The following ZNF236 variants were observed in gnomAD, a reference collection of about 807,000 sequenced individuals.
ZNF236 encodes the protein zinc finger protein 236, also known as regulated by glucose.
ZNF236 carries 50 observed loss-of-function variants against 191.2 expected under a neutral mutation model. The ratio of observed to expected loss-of-function variants is 0.26; its 90% confidence interval spans 0.21 to 0.33. The LOEUF (loss-of-function observed/expected upper bound fraction) is 0.33. Among genes scored for constraint, ZNF236 ranks in the 10% least tolerant of loss-of-function variants. ZNF236 has a pLI of 1.00. For missense variants in ZNF236, 1,754 were observed against 2,374.5 expected, an observed-to-expected ratio of 0.74 and a Z score of 5.43; for synonymous variants, 907 against 928.8, an observed-to-expected ratio of 0.98 and a Z score of 0.43.
At chr18:76,913,674 C>A in intron 17 of ZNF236, 73 bp from the exon 18 acceptor site, 2 of 1,521,080 alleles carry the variant, frequency 1.3e-6, no homozygotes, top group East Asian at 2.3e-5. Flanking sequence ...TGCTTTTCTT[C>A]CCTTTTCAGG....
At chr18:76,854,103 G>A (rs971151412) in intron 3 of ZNF236, among the ~76,000 whole-genome samples, 8 of 151,876 alleles carry the variant, frequency 5.3e-5, no homozygotes, top group South Asian at 4.1e-4. Flanking sequence ...GTGAGATAAC[G>A]CATGCAAAAC....
At chr18:76,913,929 T>C (rs1483438970) in intron 18 of ZNF236, 31 bp downstream of exon 18, 2 of 1,609,630 alleles carry the variant, frequency 1.2e-6, no homozygotes, top group Non-Finnish European at 1.7e-6. Flanking sequence ...TGGAGATTAG[T>C]CCTTTAAAGA....
rs1967743811 is a variant in ZNF236 at position 76,927,738 on chromosome 18, A to G, written c.4415-189A>G. Among the ~76,000 whole-genome samples, 1 of 152,164 alleles carries G rather than the reference A, an allele frequency of 6.6e-6. No homozygotes were observed. Among genetic ancestry groups the G allele is most frequent in the Admixed American group, 6.5e-5 (1 of 15,288 alleles). ...CTACCTTCATTTAATTACTCTTTTCATCCTGGCTTCATTTCCTCACAAGGC... is the reference window on the plus strand; with the variant it reads ...CTACCTTCATTTAATTACTCTTTTCGTCCTGGCTTCATTTCCTCACAAGGC... On this transcript the variant is annotated intron_variant, in intron 24 of 30. Transcript: ENST00000320610. The surrounding 1 kb of genome is among the most constrained non-coding windows in gnomAD (Gnocchi z 5.4).
Position 76,972,890 on chromosome 18 carries a change from A to G in ZNF236, c.*4551A>G, listed in dbSNP as rs1968928500. Among the ~76,000 whole-genome samples, 1 of 152,198 alleles carries G rather than the reference A, an allele frequency of 6.6e-6. No individual in the cohort carries two copies. Among genetic ancestry groups the G allele is most frequent in the African/African-American group, 2.4e-5 (1 of 41,448 alleles). ...TAAAAATAATAAAAATAGTTTTTGT[A>G]TTATTTTAAAACTCCTGTATATTTA... On this transcript the variant is annotated 3_prime_UTR_variant, in exon 31 of 31. Coordinates refer to ENST00000320610, the MANE Select transcript of ZNF236 (RefSeq NM_001306089.2).
At chr18:76,905,595 G>A (rs1977719487) in intron 13 of ZNF236, among the ~76,000 whole-genome samples, 180 bp downstream of exon 13, 1 of 148,016 alleles carries the variant, frequency 6.8e-6, no homozygotes, top group Non-Finnish European at 1.5e-5. Context: ...AGTGTCTAAG[G>A]ATCTAATGGG....
intron 10 of ZNF236, chr18:76,895,487 C>T: frequency 1.4e-6 from 1 of 705,334 alleles, no homozygotes; most frequent in Admixed American, 2.8e-5. Context: ...ACCGGTACTG[C>T]CCACAGGGAC....
In ZNF236 at chr18:76,925,716, C is replaced by T. The variant is rs1407784671; in HGVS notation, c.4027+162C>T. Reference sequence around the variant, plus strand: ...GCATTCGGAAAAATTGGAATTCCGTCTTGCAGACATTGCTCCTTTCCATTT... The same window carrying T: ...GCATTCGGAAAAATTGGAATTCCGTTTTGCAGACATTGCTCCTTTCCATTT... On this transcript the variant is annotated intron_variant, in intron 22 of 30. Transcript: ENST00000320610. This position sits in a 1 kb window ranked among gnomAD's most constrained non-coding sequence, Gnocchi z 5.7. Among the ~76,000 whole-genome samples the T allele has an allele frequency of 6.6e-6, 1 of 152,228 alleles. No individual in the cohort carries two copies. The highest frequency in any genetic ancestry group is 1.5e-5 in the Non-Finnish European group (1 of 68,046).
chr18:76,906,457 T>C (rs1354944639), intron 13 of ZNF236, among the ~76,000 whole-genome samples: 1 of 152,178 alleles, frequency 6.6e-6, no homozygotes, highest in Admixed American at 6.5e-5. Flanking sequence ...AGGATGCTTG[T>C]GTTCCTGCTC....
intron 1 of ZNF236, among the ~76,000 whole-genome samples, chr18:76,828,780 T>G (rs1334986732): frequency 6.6e-6 from 1 of 151,852 alleles, no homozygotes; most frequent in Non-Finnish European, 1.5e-5. Flanking sequence ...AATTCTCCAG[T>G]CTCAGCCTCC....
chr18:76,907,974 A>G (rs1283557908), intron 13 of ZNF236, among the ~76,000 whole-genome samples: 3 of 152,128 alleles, frequency 2.0e-5, no homozygotes, highest in African/African-American at 4.8e-5. Flanking sequence ...ATTTTTCTGA[A>G]TACTTAGACT....
intron 30 of ZNF236, among the ~76,000 whole-genome samples, chr18:76,966,978 G>C (rs2122984085): frequency 6.6e-6 from 1 of 152,374 alleles, no homozygotes; most frequent in South Asian, 2.1e-4. Flanking sequence ...GGTATGCTCT[G>C]TGAGATCTGT....
At chr18:76,908,294 A>G in intron 13 of ZNF236, 26 bp from the exon 14 acceptor site, 1 of 1,604,242 alleles carries the variant, frequency 6.2e-7, no homozygotes, top group South Asian at 1.1e-5. Flanking sequence ...ATCTAACCTG[A>G]TGAACTGTTG....
rs1378009514 is a variant in ZNF236, at chr18:76,895,063, G to T, written c.1468G>T (p.Ala490Ser). The T allele has an allele frequency of 6.2e-7, 1 of 1,611,606 alleles. No individual in the cohort carries two copies. Reference sequence around the variant, plus strand: ...GCGCTGGCATGTGTGTCCCTACTGCGCCAAGGAGTTCCGCAAGCCCAGCGA... The same window carrying T: ...GCGCTGGCATGTGTGTCCCTACTGCTCCAAGGAGTTCCGCAAGCCCAGCGA... ...GVRWHVCPYC[A>S]KEFRKPSDLV... The change falls in exon 10 of 31, where the codon GCC (alanine) becomes TCC (serine). Residue 490 changes from alanine to serine, a missense_variant. By Grantham distance (99) the Ala-to-Ser change is moderately conservative. This residue lies in a region of ZNF236 where 126 missense variants were observed against 110.9 expected (regional missense o/e 1.14). Transcript: ENST00000320610.
intron 26 of ZNF236, among the ~76,000 whole-genome samples, chr18:76,938,159 G>GT (rs1245530504): frequency 6.6e-6 from 1 of 152,130 alleles, no homozygotes; most frequent in Non-Finnish European, 1.5e-5. Context: ...GGAGGCTGAG[G>GT]TGGGAGGATT....
At chr18:76,938,730 C>T (rs1019933284) in intron 26 of ZNF236, among the ~76,000 whole-genome samples, 3 of 152,136 alleles carry the variant, frequency 2.0e-5, no homozygotes, top group African/African-American at 7.2e-5. Context: ...CCAGGCGCAC[C>T]GCACGCCAGG....
chr18:76,831,005 C>G (rs1285813472), intron 1 of ZNF236, among the ~76,000 whole-genome samples: 1 of 152,188 alleles, frequency 6.6e-6, no homozygotes, highest in Non-Finnish European at 1.5e-5. Flanking sequence ...GAGACACCTT[C>G]TGTCTCTCCT....
At chr18:76,949,443 A>T (rs897569651) in intron 27 of ZNF236, among the ~76,000 whole-genome samples, 41 of 152,274 alleles carry the variant, frequency 2.7e-4, no homozygotes, top group African/African-American at 9.1e-4. Context: ...TTTTTTCAAA[A>T]TTTGACAGAT....
intron 9 of ZNF236, among the ~76,000 whole-genome samples, chr18:76,891,077 A>G (rs1977216935): frequency 6.6e-6 from 1 of 152,210 alleles, no homozygotes; most frequent in South Asian, 2.1e-4. Context: ...GTTATTGGCA[A>G]GTCTTCTGGT....
chr18:76,881,191 A>T, intron 8 of ZNF236, 93 bp from the exon 9 acceptor site: 1 of 986,572 alleles, frequency 1.0e-6, no homozygotes, highest in Non-Finnish European at 1.5e-6. Flanking sequence ...TTGGAGTGGA[A>T]TTAGAATTCT....
Sources: allele counts gnomAD v4.1 joint callset (sites outside exome capture counted in the v4.1 genomes callset), GRCh38; gene constraint gnomAD v4.1.1; regional missense constraint gnomAD v4.1.1; non-coding constraint Gnocchi (gnomAD v3.1); transcripts MANE v1.5; gene names NCBI Gene and HGNC (gene_info 2026-07-23, HGNC 2026-07-21).